Variants in CATSPER3 observed in about 807,000 individuals in gnomAD.
The protein encoded by CATSPER3 is cation channel sperm-associated protein 3.
Under a neutral mutation model 36.6 loss-of-function variants are expected in CATSPER3, and 23 were observed. That is an observed-to-expected ratio of 0.63 (90% confidence interval 0.45 to 0.89). CATSPER3 has a LOEUF of 0.89. CATSPER3 is among the 40% of genes least tolerant of loss of function. The pLI, the probability that CATSPER3 is intolerant of heterozygous loss-of-function variation, is 0.00. For missense variants in CATSPER3, 474 were observed against 503.9 expected (o/e 0.94, Z 0.57); for synonymous variants, 172 against 184.1 (o/e 0.93, Z 0.53).
At chr5:134,998,044 G>A (rs1376529760) in intron 3 of CATSPER3, among the ~76,000 whole-genome samples, 1 of 152,158 alleles carries the variant, frequency 6.6e-6, no homozygotes, top group South Asian at 2.1e-4. Flanking sequence ...TTTACATTAG[G>A]TATATCTCCT....
Position 135,011,634 on chromosome 5 carries a change from G to GT in CATSPER3, c.*11_*12insT. On this transcript the variant is annotated 3_prime_UTR_variant, in exon 8 of 8. Transcript: ENST00000282611. ...GTGGATGAGAAGTAGCTGGGCATGGGGCACCCATGTGCCGAGAGCCTTGCA... is the reference window on the plus strand; with the variant it reads ...GTGGATGAGAAGTAGCTGGGCATGGGTGCACCCATGTGCCGAGAGCCTTGCA... The GT allele has an allele frequency of 6.3e-7, 1 of 1,592,308 alleles. No individual in the cohort carries two copies. Among genetic ancestry groups the GT allele is most frequent in the Non-Finnish European group, 8.6e-7 (1 of 1,160,908 alleles).
intron 2 of CATSPER3, among the ~76,000 whole-genome samples, chr5:134,973,094 G>GTTTCCAA (rs1751626132): frequency 6.6e-6 from 1 of 152,036 alleles, no homozygotes; most frequent in African/African-American, 2.4e-5. Context: ...AAAAACTTGG[G>GTTTCCAA]GAATATTGTT....
At chr5:134,969,000 C>T (rs1200415846) in intron 1 of CATSPER3, 1 of 151,644 alleles carries the variant, frequency 6.6e-6, no homozygotes, top group Non-Finnish European at 1.5e-5. Flanking sequence ...TTGCTGCACA[C>T]AAAAACAAAA....
intron 1 of CATSPER3, 40 bp from the exon 2 acceptor site, chr5:134,969,899 A>T: frequency 1.2e-6 from 2 of 1,611,336 alleles, no homozygotes; most frequent in Non-Finnish European, 1.7e-6. Flanking sequence ...ATCTAGCTCT[A>T]TTGTGCTGTA....
intron 2 of CATSPER3, among the ~76,000 whole-genome samples, chr5:134,990,788 A>G (rs911674577): frequency 6.6e-6 from 1 of 152,246 alleles, no homozygotes; most frequent in African/African-American, 2.4e-5. Flanking sequence ...GTGAAGTGCA[A>G]TAAAACAAGG....
chr5:135,008,738 C>G, intron 4 of CATSPER3, 103 bp from the exon 5 acceptor site: 1 of 980,304 alleles, frequency 1.0e-6, no homozygotes, highest in Non-Finnish European at 1.6e-6. Context: ...GGAAGCGGAG[C>G]CACCCTTCTC....
chr5:135,002,253 T>G (rs1351834130), intron 3 of CATSPER3, among the ~76,000 whole-genome samples: 1 of 152,246 alleles, frequency 6.6e-6, no homozygotes, highest in East Asian at 1.9e-4. Context: ...AAATTCTGGG[T>G]TGAAAATTCT....
At chr5:134,985,851 A>G (rs570283780) in intron 2 of CATSPER3, among the ~76,000 whole-genome samples, 24 of 151,898 alleles carry the variant, frequency 1.6e-4, no homozygotes, top group Non-Finnish European at 3.1e-4. Flanking sequence ...GTGAGCCATG[A>G]CTGTGTCACT....
chr5:134,979,322 A>G (rs1751720488), intron 2 of CATSPER3, among the ~76,000 whole-genome samples: 1 of 152,022 alleles, frequency 6.6e-6, no homozygotes, highest in Admixed American at 6.6e-5. Context: ...TGTTTTGTAG[A>G]GATGGGGTCT....
At chr5:134,970,306 C>T (rs916412676) in intron 2 of CATSPER3, among the ~76,000 whole-genome samples, 4 of 152,046 alleles carry the variant, frequency 2.6e-5, no homozygotes, top group African/African-American at 9.7e-5. Context: ...GGATTATAGG[C>T]ACCCGCCACC....
intron 2 of CATSPER3, among the ~76,000 whole-genome samples, chr5:134,981,136 T>C (rs1054232690): frequency 5.3e-5 from 8 of 152,008 alleles, no homozygotes; most frequent in African/African-American, 1.7e-4. Context: ...CTTCATTTTT[T>C]CCCCAAACCC....
intron 2 of CATSPER3, among the ~76,000 whole-genome samples, chr5:134,972,954 ATATGT>A (rs149374305): frequency 9.1e-4 from 138 of 152,340 alleles, no homozygotes; most frequent in African/African-American, 3.2e-3. Flanking sequence ...TGCTATGGTA[ATATGT>A]TATGCCAAAA....
chr5:134,970,113 C>A (rs775251816), intron 2 of CATSPER3, 21 bp downstream of exon 2: 8 of 1,608,742 alleles, frequency 5.0e-6, no homozygotes, highest in Middle Eastern at 1.6e-4. Context: ...AAAATGGGTC[C>A]ATTTTCTTCT....
At position 134,996,332 on chromosome 5, in the gene CATSPER3, GGA is replaced by G; in HGVS notation, c.313_314del (p.Asp105ProfsTer41). 6.2e-7 allele frequency: 1 copy of G among 1,614,160 alleles called. No individual in the cohort carries two copies. ...CTGAGTTGTCCATGAAGGTCTATGT[GGA>G]CCCCATCAACTACTGGAAGAACGGC... ...TSELSMKVYV[D>X]PINYWKNGYN... On this transcript the variant is annotated frameshift_variant, in exon 3 of 8. Transcript: ENST00000282611. LOFTEE classifies it high-confidence loss of function.
intron 2 of CATSPER3, among the ~76,000 whole-genome samples, chr5:134,972,458 G>C (rs1374206636): frequency 2.0e-5 from 3 of 151,930 alleles, no homozygotes; most frequent in African/African-American, 4.8e-5. Flanking sequence ...GAAGTGAAAA[G>C]ACAAAACTCA....
intron 2 of CATSPER3, among the ~76,000 whole-genome samples, chr5:134,983,749 A>G (rs1751776161): frequency 6.6e-6 from 1 of 152,208 alleles, no homozygotes. Context: ...ATTTTTCTCT[A>G]GTACACAAGG....
intron 2 of CATSPER3, among the ~76,000 whole-genome samples, chr5:134,975,811 A>C (rs770760236): frequency 6.6e-6 from 1 of 152,238 alleles, no homozygotes; most frequent in Non-Finnish European, 1.5e-5. Context: ...TATTGAAGAG[A>C]TATCTGCAAT....
chr5:134,975,319 A>G (rs1251047476), intron 2 of CATSPER3: 1 of 152,210 alleles, frequency 6.6e-6, no homozygotes, highest in East Asian at 1.9e-4. Flanking sequence ...AGGCTGAGGC[A>G]GAGTGGTAAG....
Position 135,008,142 on chromosome 5 carries a change from A to G in CATSPER3, c.675+3A>G. 2 of 1,613,470 alleles carry G rather than the reference A, an allele frequency of 1.2e-6. No homozygotes were observed. The highest frequency in any genetic ancestry group is 1.3e-5 in the African/African-American group (1 of 74,978). On this transcript the variant is annotated splice_donor_region_variant and intron_variant, in intron 4 of 7. Transcript: ENST00000282611. Reference sequence around the variant, plus strand: ...TCACCCTCTTCAGCTTGGCCACGGTACTGTGTTTGGGAACAGTGGTGAGGG... The same window carrying G: ...TCACCCTCTTCAGCTTGGCCACGGTGCTGTGTTTGGGAACAGTGGTGAGGG...
Sources: gnomAD v4.1 joint callset for allele counts (sites outside exome capture counted in the v4.1 genomes callset) on GRCh38, gnomAD v4.1.1 for gene constraint, MANE v1.5 for transcripts, NCBI Gene and HGNC (gene_info 2026-07-23, HGNC 2026-07-21) for gene names.